The following MTMR12 variants were observed in gnomAD, a reference collection of about 807,000 sequenced individuals.
MTMR12 encodes the protein myotubularin related protein 12.
MTMR12 carries 33 observed loss-of-function variants against 96.7 expected under a neutral mutation model. The ratio of observed to expected loss-of-function variants is 0.34; its 90% confidence interval spans 0.26 to 0.46. The LOEUF is 0.46. Among genes scored for constraint, MTMR12 ranks in the 20% least tolerant of loss-of-function variants. MTMR12 has a pLI of 1.00. For missense variants in MTMR12, 721 were observed against 896.1 expected (o/e 0.80, Z 2.49); for synonymous variants, 298 against 327.2 (o/e 0.91, Z 0.96).
intron 10 of MTMR12, among the ~76,000 whole-genome samples, chr5:32,246,901 G>C (rs1018507223): frequency 2.0e-5 from 3 of 152,194 alleles, no homozygotes; most frequent in African/African-American, 7.2e-5. Flanking sequence ...TAGTAAGTTA[G>C]TATGAGTTAT....
chr5:32,256,409 G>A (rs901319776), intron 7 of MTMR12, among the ~76,000 whole-genome samples: 6 of 152,142 alleles, frequency 3.9e-5, no homozygotes, highest in Non-Finnish European at 7.3e-5. Context: ...CTCTTCCCTG[G>A]TTACACAACT....
intron 8 of MTMR12, among the ~76,000 whole-genome samples, chr5:32,254,253 A>G (rs908395719): frequency 6.6e-6 from 1 of 152,238 alleles, no homozygotes; most frequent in Non-Finnish European, 1.5e-5. Context: ...GAGAGGCCAC[A>G]GCTATTTTCA....
chr5:32,237,998 G>A (rs1307387639), intron 13 of MTMR12, among the ~76,000 whole-genome samples: 2 of 151,486 alleles, frequency 1.3e-5, no homozygotes, highest in African/African-American at 2.4e-5. Flanking sequence ...CAAAAAATTC[G>A]CCAGGCATGG....
chr5:32,282,457 AAATAAAT>A (rs1346619479), intron 1 of MTMR12, among the ~76,000 whole-genome samples: 2 of 149,982 alleles, frequency 1.3e-5, no homozygotes, highest in South Asian at 2.1e-4. Flanking sequence ...ATAAATAAAT[AAATAAAT>A]AAAATAAAAA....
At chr5:32,246,159 T>C (rs922633805) in intron 10 of MTMR12, among the ~76,000 whole-genome samples, 2 of 150,986 alleles carry the variant, frequency 1.3e-5, no homozygotes, top group Admixed American at 6.6e-5. Flanking sequence ...TCGGTGCCTA[T>C]TGAGTAGACA....
In MTMR12 at chr5:32,263,174, T is replaced by C; in HGVS notation, c.652A>G (p.Thr218Ala). 1 of 1,614,222 alleles carries C rather than the reference T, an allele frequency of 6.2e-7. No individual in the cohort carries two copies. Among genetic ancestry groups the C allele is most frequent in the Non-Finnish European group, 8.5e-7 (1 of 1,180,044 alleles). ...LKDWCWELERTKGNMKYKAVS... is the reference protein window; with the variant it reads ...LKDWCWELERAKGNMKYKAVS... ...GCTTTGTACTTCATGTTGCCTTTGG[T>C]CCGTTCCAGTTCCCAACACCAGTCC... Residue 218 changes from threonine (T) to alanine (A), a missense_variant, in exon 7 of 16, where the codon ACC becomes GCC. Transcript: ENST00000382142.
intron 13 of MTMR12, among the ~76,000 whole-genome samples, chr5:32,237,111 G>A (rs1748268084): frequency 6.6e-6 from 1 of 152,222 alleles, no homozygotes. Context: ...CAGGAGCCAT[G>A]GCTCTGTGTG....
intron 7 of MTMR12, 170 bp from the exon 8 acceptor site, chr5:32,255,938 T>G: frequency 2.0e-6 from 1 of 498,886 alleles, no homozygotes; most frequent in Non-Finnish European, 3.6e-6. Context: ...TGGCGTGAAG[T>G]ACTCTGGACA....
chr5:32,312,757 C>T lies in MTMR12; in HGVS notation c.81+1G>A. 2 of 1,524,540 alleles carry T rather than the reference C, an allele frequency of 1.3e-6. No individual in the cohort carries two copies. The highest frequency in any genetic ancestry group is 1.2e-5 in the South Asian group (1 of 83,716). The allele number at this position is 1,524,540 out of a possible 1,614,324, so 94.4% of individuals were successfully genotyped here. A position where few individuals can be genotyped will look rare whatever the true frequency, so the allele number is the denominator to read the frequency against. ...GCCCCGCCTGCGCGGCGCCCCCTCA[C>T]CTCAGGGCGTACGTACGACACGAAG... On this transcript the variant is annotated splice_donor_variant, in intron 1 of 15. Transcript: ENST00000382142. LOFTEE classifies it high-confidence loss of function. This position sits in a 1 kb window ranked among gnomAD's most constrained non-coding sequence, Gnocchi z 5.0.
At chr5:32,255,918 G>C in intron 7 of MTMR12, 150 bp from the exon 8 acceptor site, 1 of 616,210 alleles carries the variant, frequency 1.6e-6, no homozygotes. Flanking sequence ...AGGAACTGCT[G>C]CTTTCGGTGT....
chr5:32,233,218 T>A lies in MTMR12; in HGVS notation c.1674+555A>T, dbSNP rs368865361. 2.8e-4 allele frequency among the ~76,000 whole-genome samples: 42 copies of A among 152,072 alleles called. No individual in the cohort carries two copies. Among genetic ancestry groups the A allele is most frequent in the Admixed American group, 1.0e-3 (16 of 15,264 alleles). ...GTTCACCTACTAAGGCTCCTTTTTT[T>A]TTTTTCAAGTAAAGGAATAAAGAAT... On this transcript the variant is annotated intron_variant, in intron 15 of 15. Transcript: ENST00000382142. The surrounding 1 kb of genome is among the most constrained non-coding windows in gnomAD (Gnocchi z 5.0).
Position 32,243,512 on chromosome 5 carries a change from T to C in MTMR12, c.1100+9A>G, listed in dbSNP as rs1748556071. On this transcript the variant is annotated intron_variant, in intron 11 of 15. Coordinates refer to ENST00000382142, the MANE Select transcript of MTMR12 (RefSeq NM_001040446.3). ...CAAAATTCATGAGTAAAACAATGGT[T>C]TGAAATACCTGATTATGTCAAGCCA... is the stretch of plus-strand genomic sequence containing the variant. 4 of 1,597,354 alleles carry C rather than the reference T, an allele frequency of 2.5e-6. No homozygotes were observed. In the South Asian group the frequency reaches 3.3e-5, roughly 13 times the overall value.
intron 10 of MTMR12, chr5:32,247,777 C>T: frequency 1.0e-6 from 1 of 985,350 alleles, no homozygotes. Flanking sequence ...AGGAGGGTGG[C>T]CGTGTGATCA....
rs1457730336 is a variant in MTMR12, at chr5:32,239,180, G to A, written c.1172-7C>T. On this transcript the variant is annotated splice_region_variant and splice_polypyrimidine_tract_variant and intron_variant, in intron 12 of 15. Transcript: ENST00000382142. Reference sequence around the variant, plus strand: ...AGGTCGGATGCATTCTCCTCTAGGAGAGGCCCCAGCAGCAGTGCAAAGAGG... The same window carrying A: ...AGGTCGGATGCATTCTCCTCTAGGAAAGGCCCCAGCAGCAGTGCAAAGAGG... The A allele has an allele frequency of 6.3e-7, 1 of 1,576,040 alleles. No individual in the cohort carries two copies.
chr5:32,312,700 G>GGCGCCCC lies in MTMR12; in HGVS notation c.81+51_81+57dup. On this transcript the variant is annotated intron_variant, in intron 1 of 15. Transcript: ENST00000382142. This position sits in a 1 kb window ranked among gnomAD's most constrained non-coding sequence, Gnocchi z 5.0. ...TCCCCGCTGCAAGGAAGGGGCTCCC[G>GGCGCCCC]GCGCCCCTCGCCCCGGCCGCCCCTG... 7.5e-7 allele frequency: 1 copy of GGCGCCCC among 1,337,976 alleles called. No homozygotes were observed. Among genetic ancestry groups the GGCGCCCC allele is most frequent in the Non-Finnish European group, 9.6e-7 (1 of 1,038,328 alleles). The allele number at this position is 1,337,976 out of a possible 1,614,324, so 82.9% of individuals were successfully genotyped here.
chr5:32,240,271 C>T (rs941604070), intron 12 of MTMR12, among the ~76,000 whole-genome samples: 3 of 151,976 alleles, frequency 2.0e-5, no homozygotes, highest in Non-Finnish European at 2.9e-5. Context: ...TGGTGGTGCA[C>T]GCCTGTAATC....
intron 1 of MTMR12, among the ~76,000 whole-genome samples, chr5:32,286,175 T>C (rs146283941): frequency 5.3e-5 from 8 of 152,050 alleles, no homozygotes; most frequent in African/African-American, 1.2e-4. Context: ...CCTGTTTCTA[T>C]AAAAAATATA....
chr5:32,255,361 A>G (rs1351486636), intron 8 of MTMR12, among the ~76,000 whole-genome samples: 1 of 152,162 alleles, frequency 6.6e-6, no homozygotes, highest in Non-Finnish European at 1.5e-5. Context: ...GCCAAAAAGA[A>G]GCTTAAATCC....
intron 8 of MTMR12, among the ~76,000 whole-genome samples, chr5:32,254,671 C>T (rs551219761): frequency 1.3e-5 from 2 of 152,040 alleles, no homozygotes; most frequent in East Asian, 1.9e-4. Context: ...GGCGAAACCC[C>T]GTCTCTACTA....
Sources: allele counts gnomAD v4.1 joint callset (sites outside exome capture counted in the v4.1 genomes callset), GRCh38; gene constraint gnomAD v4.1.1; non-coding constraint Gnocchi (gnomAD v3.1); transcripts MANE v1.5; gene names NCBI Gene and HGNC (gene_info 2026-07-23, HGNC 2026-07-21).